CAMTA2: variants seen among roughly 807,000 people sequenced by gnomAD.
CAMTA2 encodes calmodulin-binding transcription activator 2.
A neutral mutation model predicts 135.7 loss-of-function variants in CAMTA2; 56 were observed. The observed-to-expected ratio is 0.41, with a 90% CI of 0.33 to 0.52. The LOEUF (loss-of-function observed/expected upper bound fraction) is 0.52. Ranked by LOEUF, CAMTA2 falls within the 20% of genes least tolerant of loss-of-function variation. The pLI, the probability that CAMTA2 is intolerant of heterozygous loss-of-function variation, is 0.16. For synonymous variants in CAMTA2, 591 were observed against 604.6 expected, an observed-to-expected ratio of 0.98 and a Z score of 0.33; for missense variants, 1,358 against 1,553.4, an observed-to-expected ratio of 0.87 and a Z score of 2.11.
At chr17:4,982,068 C>T (rs1972992338) in intron 6 of CAMTA2, 21 bp downstream of exon 6, 1 of 1,593,594 alleles carries the variant, frequency 6.3e-7, no homozygotes, top group Non-Finnish European at 8.6e-7. Flanking sequence ...AGGGTGGCTC[C>T]CTGGGCTCTT....
At chr17:4,968,859 T>C (rs1972078944) in intron 22 of CAMTA2, 40 bp from the exon 23 acceptor site, 1 of 1,612,526 alleles carries the variant, frequency 6.2e-7, no homozygotes, top group South Asian at 1.1e-5. Flanking sequence ...GACTGGCGGA[T>C]CACGACGGGT....
rs765389294 is a variant in CAMTA2 at position 4,973,657 on chromosome 17, C to G, written c.2129G>C (p.Arg710Pro). 1 of 1,614,238 alleles carries G rather than the reference C, an allele frequency of 6.2e-7. No individual in the cohort carries two copies. Among genetic ancestry groups the G allele is most frequent in the Admixed American group, 1.7e-5 (1 of 60,032 alleles). ...AGCCAGGTGCAGAAGGCTCATGCCC[C>G]GGAAGGGGCTTCCATGGGCCAGACG... ...PERLAHGSPF[R>P]GMSLLHLAAA... The change falls in exon 13 of 23, where the codon CGG (arginine) becomes CCG (proline). Residue 710 changes from arginine (R) to proline (P), a missense_variant. Physicochemically the swap from Arg to Pro is moderately radical, Grantham distance 103. Coordinates refer to ENST00000348066, the MANE Select transcript of CAMTA2 (RefSeq NM_015099.4).
chr17:4,971,016 TCAACA>T (rs1164814650), intron 16 of CAMTA2, among the ~76,000 whole-genome samples: 1 of 152,146 alleles, frequency 6.6e-6, no homozygotes, highest in Non-Finnish European at 1.5e-5. Context: ...CTGGACACAC[TCAACA>T]CAACCTACTT....
rs376704366 is a variant in CAMTA2, at chr17:4,972,819, G to A, written c.2453C>T (p.Ser818Leu). Reference sequence around the variant, plus strand: ...CGATAGGGCAAATGGGGGCTCCACCGAAGGCTCCTGTCTCTGTAGTTCCTC... The same window carrying A: ...CGATAGGGCAAATGGGGGCTCCACCAAAGGCTCCTGTCTCTGTAGTTCCTC... ...CLEELQRQEP[S>L]VEPPFALSPP... The change falls in exon 15 of 23, where the codon TCG (serine) becomes TTG (leucine). Residue 818 changes from serine to leucine, a missense_variant. Around this residue, in one of 4 missense-constraint regions of CAMTA2, gnomAD observed 1,077 missense variants for 1,127.5 expected, o/e 0.96. Coordinates refer to ENST00000348066, the MANE Select transcript of CAMTA2 (RefSeq NM_015099.4). 9.3e-6 allele frequency: 15 copies of A among 1,613,918 alleles called. No individual in the cohort carries two copies. The highest frequency in any genetic ancestry group is 2.2e-5 in the South Asian group (2 of 91,078).
chr17:4,984,053 C>T (rs1973120874), intron 3 of CAMTA2, among the ~76,000 whole-genome samples: 1 of 152,162 alleles, frequency 6.6e-6, no homozygotes, highest in South Asian at 2.1e-4. Context: ...TGGGTTCATG[C>T]CATTCTCCTG....
At chr17:4,974,210 TAGCCAC>T (rs1972475369) in intron 12 of CAMTA2, 169 bp downstream of exon 12, 3 of 591,600 alleles carry the variant, frequency 5.1e-6, no homozygotes, top group Non-Finnish European at 9.1e-6. Context: ...GTGCCCAGAA[TAGCCAC>T]TCTTGCCACA....
intron 1 of CAMTA2, 82 bp from the exon 2 acceptor site, chr17:4,986,368 G>C (rs1973300291): frequency 1.6e-6 from 1 of 631,614 alleles, no homozygotes; most frequent in Non-Finnish European, 2.8e-6. Context: ...AGTGGGTATA[G>C]AACTGGGTCA....
At chr17:4,971,140 T>G (rs566042922) in intron 16 of CAMTA2, among the ~76,000 whole-genome samples, 1 of 152,332 alleles carries the variant, frequency 6.6e-6, no homozygotes, top group South Asian at 2.1e-4. Flanking sequence ...AGGCTATACT[T>G]GAAGATTCAC....
chr17:4,980,632 G>A lies in CAMTA2; in HGVS notation c.701-11C>T. 2 of 1,605,978 alleles carry A rather than the reference G, an allele frequency of 1.2e-6. No individual in the cohort carries two copies. Among genetic ancestry groups the A allele is most frequent in the Non-Finnish European group, 1.7e-6 (2 of 1,172,948 alleles). ...TAAGGCTCCCAGAACCTGGAGTGGA[G>A]AGGAGTAGGAGGGAGAGGAGATAAG... On this transcript the variant is annotated splice_polypyrimidine_tract_variant and intron_variant, in intron 8 of 22. Coordinates refer to ENST00000348066, the MANE Select transcript of CAMTA2 (RefSeq NM_015099.4). This position sits in a 1 kb window ranked among gnomAD's most constrained non-coding sequence, Gnocchi z 5.3.
chr17:4,972,140 T>C, intron 16 of CAMTA2, 92 bp downstream of exon 16: 1 of 1,150,050 alleles, frequency 8.7e-7, no homozygotes, highest in East Asian at 2.4e-5. Context: ...CTTCCTAAAC[T>C]GAAGCCAGAC....
At chr17:4,987,288 C>T in intron 1 of CAMTA2, 1 of 1,343,250 alleles carries the variant, frequency 7.4e-7, no homozygotes, top group Non-Finnish European at 9.5e-7. Flanking sequence ...TGGGAGGGTC[C>T]CGCCCGCATA....
Position 4,977,116 on chromosome 17 carries a change from A to G in CAMTA2, c.1842T>C (p.Tyr614=), listed in dbSNP as rs1597750069. 1 of 1,614,134 alleles carries G rather than the reference A, an allele frequency of 6.2e-7. No homozygotes were observed. Among genetic ancestry groups the G allele is most frequent in the Non-Finnish European group, 8.5e-7 (1 of 1,180,022 alleles). The change falls in exon 11 of 23, where the codon TAT becomes TAC. Residue 614 remains tyrosine, a synonymous_variant. Transcript: ENST00000348066. ...GPLSASVLFE[Y]RARRFLSLPS... is the part of the protein sequence containing the mutation. ...GCAGAGACAGGAATCGGCGGGCTCG[A>G]TACTCAAAGAGCACAGAAGCAGAAA... is the stretch of plus-strand genomic sequence containing the variant.
intron 12 of CAMTA2, 137 bp from the exon 13 acceptor site, chr17:4,973,906 G>C: frequency 1.5e-6 from 1 of 688,420 alleles, no homozygotes; most frequent in Non-Finnish European, 2.4e-6. Flanking sequence ...GATCCCATCA[G>C]TTGAAGTTCC....
chr17:4,976,112 TCTC>T (rs747422525), intron 11 of CAMTA2, among the ~76,000 whole-genome samples: 2 of 152,036 alleles, frequency 1.3e-5, no homozygotes, highest in African/African-American at 2.4e-5. Context: ...TTCAAGCAAT[TCTC>T]CTGTCTCAGC....
chr17:4,976,215 A>AGGC (rs894427208), intron 11 of CAMTA2, among the ~76,000 whole-genome samples: 1 of 152,012 alleles, frequency 6.6e-6, no homozygotes, highest in African/African-American at 2.4e-5. Flanking sequence ...CATATTTGCC[A>AGGC]GGCTGGTCTC....
intron 16 of CAMTA2, among the ~76,000 whole-genome samples, chr17:4,971,991 AT>A (rs541775952): frequency 4.0e-5 from 6 of 150,862 alleles, no homozygotes; most frequent in Non-Finnish European, 8.9e-5. Context: ...GCCCGGCCAA[AT>A]TTTTTTTTTC....
Position 4,977,134 on chromosome 17 carries a change from A to G in CAMTA2, c.1824T>C (p.Ala608=), listed in dbSNP as rs1245748776. The G allele has an allele frequency of 1.2e-6, 2 of 1,614,038 alleles. No individual in the cohort carries two copies. Among genetic ancestry groups the G allele is most frequent in the African/African-American group, 1.3e-5 (1 of 74,928 alleles). Reference sequence around the variant, plus strand: ...GGGCTCGATACTCAAAGAGCACAGAAGCAGAAAGGGGCCCCTCCCGCCCTG... The same window carrying G: ...GGGCTCGATACTCAAAGAGCACAGAGGCAGAAAGGGGCCCCTCCCGCCCTG... The part of the protein sequence containing the change: ...QVAGREGPLS[A]SVLFEYRARR... The change falls in exon 11 of 23, where the codon GCT becomes GCC. Residue 608 remains alanine, a synonymous_variant. Coordinates refer to ENST00000348066, the MANE Select transcript of CAMTA2 (RefSeq NM_015099.4).
In CAMTA2 at chr17:4,968,501, G is replaced by C. The variant is rs1972045660; in HGVS notation, c.*255C>G. ...GAGCAGGGGCAGGCAGGGCTCCGGA[G>C]GTCACAGCGGAAGATGCAGGTATGT... On this transcript the variant is annotated 3_prime_UTR_variant, in exon 23 of 23. Transcript: ENST00000348066. 3 of 565,926 alleles carry C rather than the reference G, an allele frequency of 5.3e-6. No individual in the cohort carries two copies. The South Asian group carries it at 6.5e-5, about 12-fold the overall frequency. 35.1% of individuals were successfully genotyped at this position (565,926 alleles called of 1,614,324 possible). A position where few individuals can be genotyped will look rare whatever the true frequency, so the allele number is the denominator to read the frequency against.
At chr17:4,975,562 G>A (rs1972563527) in intron 11 of CAMTA2, among the ~76,000 whole-genome samples, 1 of 152,160 alleles carries the variant, frequency 6.6e-6, no homozygotes, top group Non-Finnish European at 1.5e-5. Flanking sequence ...GACAGAACAG[G>A]ACTGAGAGGC....
Sources: allele counts gnomAD v4.1 joint callset (sites outside exome capture counted in the v4.1 genomes callset), GRCh38; gene constraint gnomAD v4.1.1; regional missense constraint gnomAD v4.1.1; non-coding constraint Gnocchi (gnomAD v3.1); transcripts MANE v1.5; gene names NCBI Gene and HGNC (gene_info 2026-07-23, HGNC 2026-07-21).